PRDM8: variants seen among roughly 807,000 people sequenced by gnomAD.
PRDM8 encodes the protein PR/SET domain 8.
In PRDM8, 13 loss-of-function variants were observed where a neutral mutation model predicts 46.5. The ratio of observed to expected loss-of-function variants is 0.28; its 90% CI spans 0.18 to 0.44. The LOEUF (loss-of-function observed/expected upper bound fraction) is 0.44, where lower values mean the gene tolerates loss of function less well. PRDM8 is among the 20% of genes least tolerant of loss of function. The pLI is 1.00. For synonymous variants in PRDM8, 473 were observed against 438.4 expected, an observed-to-expected ratio of 1.08 and a Z score of -0.98; for missense variants, 998 against 955.0, an observed-to-expected ratio of 1.04 and a Z score of -0.59.
rs751285287 is a variant in PRDM8, at chr4:80,202,978, C to T, written c.1516C>T (p.Arg506Cys). 2.0e-6 allele frequency: 3 copies of T among 1,502,112 alleles called. No homozygotes were observed. Among genetic ancestry groups the T allele is most frequent in the African/African-American group, 1.4e-5 (1 of 69,100 alleles). The allele number at this position is 1,502,112 out of a possible 1,614,324, so 93.0% of individuals were successfully genotyped here. ...ERKSAFSQPA[R>C]SFSQLSPLVL... ...CAAAAGCGCCTTCTCGCAGCCAGCA[C>T]GCTCTTTCTCGCAGCTGTCCCCGCT... The change falls in exon 4 of 4, where the codon CGC (arginine) becomes TGC (cysteine). Residue 506 changes from arginine to cysteine, a missense_variant. Physicochemically the swap from Arg to Cys is radical, Grantham distance 180 (BLOSUM62 -3). Coordinates refer to ENST00000415738, the MANE Select transcript of PRDM8 (RefSeq NM_001099403.2).
Position 80,202,731 on chromosome 4 carries a change from C to A in PRDM8, c.1269C>A (p.Ser423=). The change falls in exon 4 of 4, where the codon TCC becomes TCA. Residue 423 remains serine (S), a synonymous_variant. Coordinates refer to ENST00000415738, the MANE Select transcript of PRDM8 (RefSeq NM_001099403.2). The part of the protein sequence containing the change: ...DQDAGGGGGS[S]TPAAASPVGA... ...ACGCTGGCGGCGGCGGCGGCTCCTC[C>A]ACGCCCGCGGCCGCGTCACCGGTGG... The A allele has an allele frequency of 7.7e-7, 1 of 1,301,116 alleles. No homozygotes were observed. Among genetic ancestry groups the A allele is most frequent in the Non-Finnish European group, 9.7e-7 (1 of 1,030,560 alleles). 80.6% of individuals were successfully genotyped at this position (1,301,116 alleles called of 1,614,324 possible).
chr4:80,199,842 T>C (rs549213928), intron 1 of PRDM8, among the ~76,000 whole-genome samples: 13 of 152,084 alleles, frequency 8.5e-5, no homozygotes, highest in African/African-American at 3.1e-4. Flanking sequence ...CTTTCTTTTC[T>C]TTCTCCCAAG....
Position 80,203,227 on chromosome 4 carries a change from G to A in PRDM8, c.1765G>A (p.Ala589Thr). 1.3e-6 allele frequency: 2 copies of A among 1,554,488 alleles called. No homozygotes were observed. Among genetic ancestry groups the A allele is most frequent in the Non-Finnish European group, 8.7e-7 (1 of 1,151,522 alleles). Residue 589 changes from alanine to threonine, a missense_variant, in exon 4 of 4, where the codon GCT (alanine) becomes ACT (threonine). Transcript: ENST00000415738. Reference protein sequence around the residue: ...TAFWPKSSAAAAAAAAAAAAG... With the variant: ...TAFWPKSSAATAAAAAAAAAG... ...CTTCTGGCCCAAGAGCTCCGCTGCC[G>A]CTGCAGCCGCGGCTGCGGCGGCGGC... is the stretch of plus-strand genomic sequence containing the variant.
At chr4:80,187,063 C>A (rs191417939) in intron 1 of PRDM8, among the ~76,000 whole-genome samples, 2 of 152,172 alleles carry the variant, frequency 1.3e-5, no homozygotes, top group Non-Finnish European at 2.9e-5. Flanking sequence ...AAAAATAAAT[C>A]TTTTTCCAAG....
At chr4:80,190,806 A>T (rs1459305239) in intron 1 of PRDM8, among the ~76,000 whole-genome samples, 1 of 152,170 alleles carries the variant, frequency 6.6e-6, no homozygotes, top group African/African-American at 2.4e-5. Context: ...CAGCTAATTC[A>T]GTCCCCCAGG....
chr4:80,191,556 C>T (rs1737547084), exon 2 of PRDM8: 1 of 152,176 alleles, frequency 6.6e-6, no homozygotes, highest in African/African-American at 2.4e-5. Context: ...CTATTCTTGC[C>T]TCCACTTCAT....
At chr4:80,191,820 C>T (rs565209658) in intron 2 of PRDM8, among the ~76,000 whole-genome samples, 1 of 152,266 alleles carries the variant, frequency 6.6e-6, no homozygotes, top group South Asian at 2.1e-4. Context: ...ATTAATTGAA[C>T]TGAAATCATG....
chr4:80,193,722 T>C (rs1737721717), upstream of PRDM8, among the ~76,000 whole-genome samples: 1 of 152,140 alleles, frequency 6.6e-6, no homozygotes, highest in South Asian at 2.1e-4. Flanking sequence ...CTGTGGGAAA[T>C]TAATAAGCTT....
chr4:80,203,746 C>T lies in PRDM8; in HGVS notation c.*214C>T. The T allele has an allele frequency of 2.2e-6, 1 of 452,820 alleles. No homozygotes were observed. The highest frequency in any genetic ancestry group is 2.3e-5 in the South Asian group (1 of 43,480). The allele number at this position is 452,820 out of a possible 1,614,324, so 28.1% of individuals were successfully genotyped here. A position where few individuals can be genotyped will look rare whatever the true frequency, so the allele number is the denominator to read the frequency against. On this transcript the variant is annotated 3_prime_UTR_variant, in exon 4 of 4. Transcript: ENST00000415738. The stretch of plus-strand genomic sequence containing the variant: ...ATTTACCCGGGACACACACCCCCCC[C>T]CACACACACACACAGACACACTCAC...
At position 80,202,865 on chromosome 4, in the gene PRDM8, G is replaced by C; in HGVS notation, c.1403G>C (p.Ser468Thr). The change falls in exon 4 of 4, where the codon AGC becomes ACC. Residue 468 changes from serine (S) to threonine (T), a missense_variant. Ser to Thr is a moderately conservative substitution (Grantham distance 58, BLOSUM62 1). Transcript: ENST00000415738. ...TTCACTTCGGTGCCGCAGCTGGGCA[G>C]CGCGGGCAGCACCAGCGGTGGGGGC... ...SAFTSVPQLG[S>T]AGSTSGGGGT... 8.0e-7 allele frequency: 1 copy of C among 1,251,560 alleles called. No individual in the cohort carries two copies. 77.5% of individuals were successfully genotyped at this position (1,251,560 alleles called of 1,614,324 possible). A position where few individuals can be genotyped will look rare whatever the true frequency, so the allele number is the denominator to read the frequency against.
intron 2 of PRDM8, among the ~76,000 whole-genome samples, chr4:80,200,609 G>C (rs939331060): frequency 6.6e-6 from 1 of 152,224 alleles, no homozygotes; most frequent in South Asian, 2.1e-4. Context: ...CTGGGGTGGA[G>C]GCTATTTGCA....
At chr4:80,201,255 C>G (rs766675467) in intron 2 of PRDM8, 35 bp from the exon 3 acceptor site, 6 of 1,587,390 alleles carry the variant, frequency 3.8e-6, no homozygotes, top group Non-Finnish European at 5.2e-6. Context: ...CTCCCCCTCT[C>G]CTTCTTGTCT....
chr4:80,188,744 G>C (rs1361017292), intron 1 of PRDM8, among the ~76,000 whole-genome samples: 1 of 152,218 alleles, frequency 6.6e-6, no homozygotes, highest in Non-Finnish European at 1.5e-5. Context: ...CGGTGCGCGT[G>C]GGGAAAACGT....
intron 2 of PRDM8, among the ~76,000 whole-genome samples, chr4:80,191,763 A>T (rs988179385): frequency 6.6e-6 from 1 of 152,204 alleles, no homozygotes; most frequent in African/African-American, 2.4e-5. Context: ...GACATCCCCC[A>T]TTGATGCTAA....
In PRDM8 at chr4:80,202,660, G is replaced by A. The variant is rs1181862619; in HGVS notation, c.1198G>A (p.Glu400Lys). 4.0e-6 allele frequency: 6 copies of A among 1,488,224 alleles called. 1 individual carries two copies. The South Asian group carries it at 5.1e-5, about 13-fold the overall frequency. 92.2% of individuals were successfully genotyped at this position (1,488,224 alleles called of 1,614,324 possible). A position where few individuals can be genotyped will look rare whatever the true frequency, so the allele number is the denominator to read the frequency against. Reference sequence around the variant, plus strand: ...GGCTGCCCGCGCGGCCAGCCTGCAGGAGGAGGGGACAGCCGACGGCGCGGG... The same window carrying A: ...GGCTGCCCGCGCGGCCAGCCTGCAGAAGGAGGGGACAGCCGACGGCGCGGG... ...KKAARAASLQEEGTADGAGVA... is the reference protein window; with the variant it reads ...KKAARAASLQKEGTADGAGVA... The change falls in exon 4 of 4, where the codon GAG becomes AAG. Residue 400 changes from glutamate to lysine, a missense_variant. Physicochemically the swap from Glu to Lys is moderately conservative, Grantham distance 56. Transcript: ENST00000415738.
upstream of PRDM8, among the ~76,000 whole-genome samples, chr4:80,193,238 C>G (rs1260362008): frequency 1.3e-5 from 2 of 152,140 alleles, no homozygotes; most frequent in Admixed American, 6.5e-5. Flanking sequence ...AAAACATTTG[C>G]TCATGTAATA....
chr4:80,201,585 A>G (rs1446618799), intron 3 of PRDM8, 64 bp downstream of exon 3: 4 of 1,519,150 alleles, frequency 2.6e-6, no homozygotes, highest in Admixed American at 1.7e-5. Flanking sequence ...AGGGAGCGGC[A>G]GGGGCTCACC....
chr4:80,199,709 A>ATATGTG (rs370819149), intron 1 of PRDM8, among the ~76,000 whole-genome samples: 38 of 133,006 alleles, frequency 2.9e-4, no homozygotes, highest in East Asian at 6.7e-4. Flanking sequence ...ATATATATAT[A>ATATGTG]TGTGTGTGTG....
At position 80,203,199 on chromosome 4, in the gene PRDM8, C is replaced by G; in HGVS notation, c.1737C>G (p.Thr579=). ...LPKQSPFLYA[T]AFWPKSSAAA... Reference sequence around the variant, plus strand: ...AGCAGAGCCCCTTCCTGTACGCCACCGCCTTCTGGCCCAAGAGCTCCGCTG... The same window carrying G: ...AGCAGAGCCCCTTCCTGTACGCCACGGCCTTCTGGCCCAAGAGCTCCGCTG... Residue 579 remains threonine (T), a synonymous_variant, in exon 4 of 4, where the codon ACC becomes ACG. Transcript: ENST00000415738. 1 of 1,550,940 alleles carries G rather than the reference C, an allele frequency of 6.4e-7. No homozygotes were observed. Among genetic ancestry groups the G allele is most frequent in the Non-Finnish European group, 8.7e-7 (1 of 1,150,754 alleles).
Sources: gnomAD v4.1 joint callset for allele counts (sites outside exome capture counted in the v4.1 genomes callset) on GRCh38, gnomAD v4.1.1 for gene constraint, MANE v1.5 for transcripts, NCBI Gene and HGNC (gene_info 2026-07-23, HGNC 2026-07-21) for gene names.